IMMP1L: variants seen among roughly 807,000 people sequenced by gnomAD.
The protein encoded by IMMP1L is mitochondrial inner membrane protease subunit 1.
A neutral mutation model predicts 21.8 loss-of-function variants in IMMP1L; 24 were observed. The ratio of observed to expected loss-of-function variants is 1.10; its 90% CI spans 0.80 to 1.55. The LOEUF (loss-of-function observed/expected upper bound fraction) is 1.55. IMMP1L is among the 40% of genes most tolerant of loss of function. The pLI, the probability that IMMP1L is intolerant of heterozygous loss-of-function variation, is 0.00. For missense variants in IMMP1L, 195 were observed against 200.7 expected, an observed-to-expected ratio of 0.97 and a Z score of 0.17; for synonymous variants, 46 against 62.8, an observed-to-expected ratio of 0.73 and a Z score of 1.26.
intron 1 of IMMP1L, among the ~76,000 whole-genome samples, chr11:31,478,491 A>G (rs1954793983): frequency 6.6e-6 from 1 of 152,188 alleles, no homozygotes; most frequent in Admixed American, 6.5e-5. Flanking sequence ...TAGGAAATCA[A>G]TGGACGGATT....
At chr11:31,469,083 ATTGATCATTTGTATATCTTCT>A (rs1299328082) in intron 1 of IMMP1L, among the ~76,000 whole-genome samples, 18 of 152,172 alleles carry the variant, frequency 1.2e-4, no homozygotes, top group African/African-American at 4.3e-4. Flanking sequence ...TCATGTGTGT[ATTGATCATTTGTATATCTTCT>A]TTGAAAAATA....
intron 1 of IMMP1L, among the ~76,000 whole-genome samples, chr11:31,478,962 AG>A (rs540776015): frequency 6.6e-6 from 1 of 152,200 alleles, no homozygotes; most frequent in South Asian, 2.1e-4. Flanking sequence ...TTAAATGTAT[AG>A]AATTCTAGAG....
intron 4 of IMMP1L, chr11:31,452,762 T>C: frequency 3.0e-6 from 3 of 1,010,588 alleles, no homozygotes; most frequent in Non-Finnish European, 3.5e-6. Context: ...TTTCTTTTCT[T>C]TTCTTGAGAC....
intron 1 of IMMP1L, among the ~76,000 whole-genome samples, chr11:31,498,943 A>C (rs1955534160): frequency 6.6e-6 from 1 of 152,236 alleles, no homozygotes; most frequent in African/African-American, 2.4e-5. Flanking sequence ...AGGAGTGGAG[A>C]TACTGAAGAA....
intron 1 of IMMP1L, among the ~76,000 whole-genome samples, chr11:31,490,868 C>T (rs1178150378): frequency 6.6e-6 from 1 of 152,100 alleles, no homozygotes; most frequent in Non-Finnish European, 1.5e-5. Context: ...CCAACGGGAA[C>T]GTCCTCATTA....
intron 4 of IMMP1L, among the ~76,000 whole-genome samples, chr11:31,447,266 C>T (rs150547679): frequency 1.1e-3 from 170 of 152,264 alleles, no homozygotes; most frequent in African/African-American, 3.9e-3. Context: ...CTTAGATGTC[C>T]CCCCTCCCAA....
At chr11:31,437,072 G>A (rs888049109) in intron 4 of IMMP1L, 6 of 422,986 alleles carry the variant, frequency 1.4e-5, no homozygotes, top group East Asian at 1.4e-4. Context: ...AAACCTCTAC[G>A]TACAGATCTT....
At chr11:31,474,015 A>T (rs751836306) in intron 1 of IMMP1L, among the ~76,000 whole-genome samples, 7 of 152,326 alleles carry the variant, frequency 4.6e-5, no homozygotes, top group Middle Eastern at 3.4e-3. Context: ...TAGCATTTAA[A>T]GAAGTGTTCA....
At chr11:31,484,409 T>C (rs1955001596) in intron 1 of IMMP1L, among the ~76,000 whole-genome samples, 1 of 151,938 alleles carries the variant, frequency 6.6e-6, no homozygotes, top group Non-Finnish European at 1.5e-5. Flanking sequence ...ATAACAATGG[T>C]ATGTGAAAAA....
chr11:31,453,488 TA>T (rs1232907088), intron 4 of IMMP1L, among the ~76,000 whole-genome samples: 2 of 152,148 alleles, frequency 1.3e-5, no homozygotes, highest in African/African-American at 2.4e-5. Context: ...GATGCAGAGG[TA>T]AGGGGAAGAA....
intron 1 of IMMP1L, among the ~76,000 whole-genome samples, chr11:31,489,687 T>C (rs1955193851): frequency 6.6e-6 from 1 of 152,216 alleles, no homozygotes; most frequent in Admixed American, 6.5e-5. Flanking sequence ...CCTCCTCTTT[T>C]GTAATGCATT....
chr11:31,449,244 A>G (rs1953655720), intron 4 of IMMP1L, among the ~76,000 whole-genome samples: 1 of 152,204 alleles, frequency 6.6e-6, no homozygotes, highest in Non-Finnish European at 1.5e-5. Context: ...TCTACAGAGA[A>G]GTACTTTTTT....
intron 4 of IMMP1L, among the ~76,000 whole-genome samples, chr11:31,440,424 T>C (rs1953283175): frequency 1.3e-5 from 2 of 152,176 alleles, no homozygotes; most frequent in Non-Finnish European, 2.9e-5. Context: ...AAAATGTCGC[T>C]CTCTCGCCCA....
Position 31,468,439 on chromosome 11 carries a change from T to C in IMMP1L, c.-29-5134A>G, listed in dbSNP as rs200528991. ...CGGATATATTACATATGGAGGAAGA[T>C]AGAACGCTAATGTGGCAAATGTTCA... On this transcript the variant is annotated intron_variant, in intron 1 of 5. Transcript: ENST00000532287. 2.6e-5 allele frequency among the ~76,000 whole-genome samples: 4 copies of C among 152,298 alleles called. No individual in the cohort carries two copies. In the East Asian group the frequency reaches 5.8e-4, roughly 22 times the overall value.
intron 4 of IMMP1L, among the ~76,000 whole-genome samples, chr11:31,450,391 T>A (rs1309257991): frequency 2.1e-5 from 3 of 141,046 alleles, no homozygotes; most frequent in Non-Finnish European, 4.5e-5. Context: ...ATTCCCCCAA[T>A]ACTTTAGGAG....
At chr11:31,433,836 G>A (rs1047150165) in intron 4 of IMMP1L, 30 of 267,568 alleles carry the variant, frequency 1.1e-4, no homozygotes, top group Non-Finnish European at 1.8e-4. Context: ...ACCCCAAACT[G>A]AGGTTATAAG....
At chr11:31,494,015 C>A (rs1055816790) in intron 1 of IMMP1L, among the ~76,000 whole-genome samples, 1 of 152,174 alleles carries the variant, frequency 6.6e-6, no homozygotes, top group Non-Finnish European at 1.5e-5. Context: ...TCCAGGTGCA[C>A]GGTGCAAGCT....
chr11:31,488,872 T>C (rs1181568517), intron 1 of IMMP1L, among the ~76,000 whole-genome samples: 1 of 151,636 alleles, frequency 6.6e-6, no homozygotes, highest in East Asian at 1.9e-4. Context: ...AAATAAGTTT[T>C]ATTTTTTATT....
chr11:31,472,233 G>C (rs1468564232), intron 1 of IMMP1L, among the ~76,000 whole-genome samples: 1 of 152,140 alleles, frequency 6.6e-6, no homozygotes, highest in African/African-American at 2.4e-5. Flanking sequence ...CATCTTTGGA[G>C]GGCCATTATT....
Sources: allele counts gnomAD v4.1 joint callset (sites outside exome capture counted in the v4.1 genomes callset), GRCh38; gene constraint gnomAD v4.1.1; transcripts MANE v1.5; gene names NCBI Gene and HGNC (gene_info 2026-07-23, HGNC 2026-07-21).